Variants in POC5 observed in about 807,000 individuals in gnomAD.
POC5 encodes centrosomal protein POC5.
POC5 carries 48 observed loss-of-function variants against 62.9 expected under a neutral mutation model. That is an observed-to-expected ratio of 0.76 (90% CI 0.61 to 0.97). The LOEUF (loss-of-function observed/expected upper bound fraction) is 0.97. Among genes scored for constraint, POC5 ranks in the 50% least tolerant of loss-of-function variants. The pLI, the probability that POC5 is intolerant of heterozygous loss-of-function variation, is 0.00. For synonymous variants in POC5, 236 were observed against 228.2 expected (o/e 1.03, Z -0.31); for missense variants, 696 against 679.5 (o/e 1.02, Z -0.27).
chr5:75,712,352 C>T (rs1777381585), intron 2 of POC5: 1 of 1,549,200 alleles, frequency 6.5e-7, no homozygotes, highest in African/African-American at 1.4e-5. Flanking sequence ...CATGTAAATA[C>T]CACACCCTCT....
intron 2 of POC5, among the ~76,000 whole-genome samples, chr5:75,711,259 TG>T (rs1777332385): frequency 6.6e-6 from 1 of 152,130 alleles, no homozygotes; most frequent in South Asian, 2.1e-4. Flanking sequence ...ATTCAAAACT[TG>T]TAATTTTGCC....
intron 5 of POC5, among the ~76,000 whole-genome samples, chr5:75,695,287 A>G (rs369365653): frequency 3.3e-5 from 5 of 152,224 alleles, no homozygotes; most frequent in African/African-American, 9.7e-5. Flanking sequence ...TTTATCACAG[A>G]TTATTATCTG....
At chr5:75,684,203 G>A (rs1775989596) in intron 10 of POC5, among the ~76,000 whole-genome samples, 1 of 152,070 alleles carries the variant, frequency 6.6e-6, no homozygotes, top group Non-Finnish European at 1.5e-5. Flanking sequence ...CAGTGTTAGT[G>A]ATATATCTGC....
chr5:75,684,363 ATTTT>A (rs749361349), intron 10 of POC5, among the ~76,000 whole-genome samples: 4 of 132,700 alleles, frequency 3.0e-5, no homozygotes, highest in Admixed American at 7.7e-5. Flanking sequence ...TTCCTACATA[ATTTT>A]TTTTTTTTTT....
intron 6 of POC5, among the ~76,000 whole-genome samples, chr5:75,693,014 TTA>T (rs202189872): frequency 1.3e-5 from 2 of 148,298 alleles, no homozygotes; most frequent in African/African-American, 2.5e-5. Context: ...TATGTTATAG[TTA>T]TATATATAAC....
At chr5:75,714,998 T>C (rs1196688242) in intron 1 of POC5, among the ~76,000 whole-genome samples, 1 of 150,662 alleles carries the variant, frequency 6.6e-6, no homozygotes, top group Non-Finnish European at 1.5e-5. Flanking sequence ...CCTGTATTAG[T>C]ACGTTTTTCA....
chr5:75,675,489 G>A (rs979324353), intron 11 of POC5, among the ~76,000 whole-genome samples: 11 of 152,056 alleles, frequency 7.2e-5, no homozygotes, highest in Non-Finnish European at 1.3e-4. Context: ...ACTCCAAGCT[G>A]TAGTTTTTGC....
At chr5:75,697,642 A>G (rs950674514) in intron 5 of POC5, among the ~76,000 whole-genome samples, 1 of 152,192 alleles carries the variant, frequency 6.6e-6, no homozygotes. Flanking sequence ...AAGAAACTGC[A>G]TCAACTAACG....
chr5:75,689,082 T>C lies in POC5; in HGVS notation c.1059A>G (p.Lys353=). ...ATGCACATACACCCCTCATGAAAGC[T>C]TTTTTCATGGAATCTTCAAAGTGCT... The part of the protein sequence containing the change: ...EKEHFEDSMK[K]AFMRGVCALN... The change falls in exon 9 of 12, where the codon AAA becomes AAG. Residue 353 remains lysine, a synonymous_variant. Coordinates refer to ENST00000428202, the MANE Select transcript of POC5 (RefSeq NM_001099271.2). 1.2e-6 allele frequency: 2 copies of C among 1,602,986 alleles called. No individual in the cohort carries two copies. The highest frequency in any genetic ancestry group is 1.7e-6 in the Non-Finnish European group (2 of 1,174,434).
intron 1 of POC5, among the ~76,000 whole-genome samples, 162 bp downstream of exon 1, chr5:75,717,136 CACGCCTCG>C: frequency 6.6e-6 from 1 of 152,236 alleles, no homozygotes; most frequent in Non-Finnish European, 1.5e-5. Context: ...CCTCTTCCTG[CACGCCTCG>C]GAGGGGAAAC....
At chr5:75,695,520 G>T (rs999005797) in intron 5 of POC5, among the ~76,000 whole-genome samples, 2 of 152,044 alleles carry the variant, frequency 1.3e-5, no homozygotes, top group Non-Finnish European at 2.9e-5. Flanking sequence ...TAGAATTTAA[G>T]GTTCCAAATG....
chr5:75,690,042 T>C (rs10462521), intron 8 of POC5, among the ~76,000 whole-genome samples: 37,228 of 152,052 alleles, frequency 0.24, 4,780 homozygotes, highest in South Asian at 0.32. Flanking sequence ...TGTGCCACCA[T>C]ACCCAGCTAA....
At chr5:75,696,265 C>A (rs192033420) in intron 5 of POC5, among the ~76,000 whole-genome samples, 10,364 of 152,228 alleles carry the variant, frequency 0.068, 382 homozygotes, top group South Asian at 0.11. Context: ...GGGCAGGGCA[C>A]AGACAAACAA....
rs1294198896 is a variant in POC5, at chr5:75,694,657, C to A, written c.688G>T (p.Glu230Ter). 3 of 1,514,852 alleles carry A rather than the reference C, an allele frequency of 2.0e-6. No homozygotes were observed. The African/African-American group carries it at 4.3e-5, about 22-fold the overall frequency. The allele number at this position is 1,514,852 out of a possible 1,614,324, so 93.8% of individuals were successfully genotyped here. ...TFEISIGRKDEVISSLSHAIG... is the reference protein window; with the variant it reads ...TFEISIGRKD ...AAAAGAAATATAAAAAAGAAGACCT[C>A]ATCTTTTCTCCCAATGGAGATTTCA... Residue 230 changes from glutamate to a stop codon, truncating the protein, a stop_gained and splice_region_variant, in exon 6 of 12, where the codon GAG becomes TAG. Transcript: ENST00000428202. LOFTEE classifies it high-confidence loss of function.
Position 75,694,771 on chromosome 5 carries a change from C to A in POC5, c.574G>T (p.Glu192Ter). The change falls in exon 6 of 12, where the codon GAA (glutamate) becomes TAA (stop). Residue 192 changes from glutamate (E) to a stop codon, truncating the protein, a stop_gained. Transcript: ENST00000428202. LOFTEE classifies it high-confidence loss of function. ...TGTTTTTCTTTCTCTTTTCTCATTT[C>A]CATTCGGTGCCAGTCAATAAAATTA... Reference protein sequence around the residue: ...RLNFIDWHRMEMRKEKEKHAA... With the variant: ...RLNFIDWHRM The A allele has an allele frequency of 1.3e-6, 2 of 1,581,770 alleles. No individual in the cohort carries two copies. The highest frequency in any genetic ancestry group is 1.7e-6 in the Non-Finnish European group (2 of 1,152,770).
Position 75,685,473 on chromosome 5 carries a change from T to G in POC5, c.1141A>C (p.Thr381Pro), listed in dbSNP as rs1274114088. The change falls in exon 10 of 12, where the codon ACA becomes CCA. Residue 381 changes from threonine to proline, a missense_variant. Transcript: ENST00000428202. ...QNRNDAGIDS[T>P]NNKKEEYGPG... Reference sequence around the variant, plus strand: ...CCATACTCTTCCTTTTTATTATTTGTGGAGTCTATCCCTATAAATCACAAA... The same window carrying G: ...CCATACTCTTCCTTTTTATTATTTGGGGAGTCTATCCCTATAAATCACAAA... 3.7e-6 allele frequency: 6 copies of G among 1,610,452 alleles called. No homozygotes were observed. The highest frequency in any genetic ancestry group is 5.1e-6 in the Non-Finnish European group (6 of 1,177,128).
chr5:75,712,280 GA>G (rs1166867147), intron 2 of POC5: 1 of 1,366,908 alleles, frequency 7.3e-7, no homozygotes, highest in African/African-American at 1.4e-5. Context: ...ATCTACTCCA[GA>G]AATCTAAATC....
Position 75,702,782 on chromosome 5 carries a change from C to A in POC5, c.336G>T (p.Lys112Asn), listed in dbSNP as rs1394780806. 6 of 1,585,728 alleles carry A rather than the reference C, an allele frequency of 3.8e-6. No individual in the cohort carries two copies. Among genetic ancestry groups the A allele is most frequent in the Non-Finnish European group, 5.2e-6 (6 of 1,165,022 alleles). Residue 112 changes from lysine to asparagine, a missense_variant, in exon 5 of 12, where the codon AAG becomes AAT. Transcript: ENST00000428202. ...DESSPVLSPR[K>N]PSHPVMDFFS... is the part of the protein sequence containing the mutation. ...AAAAATCCATGACTGGGTGAGAAGGCTTCCTTGGCGATAACACTGGTGATG... is the reference window on the plus strand; with the variant it reads ...AAAAATCCATGACTGGGTGAGAAGGATTCCTTGGCGATAACACTGGTGATG...
chr5:75,676,059 G>A (rs1775637007), intron 11 of POC5, among the ~76,000 whole-genome samples: 1 of 152,210 alleles, frequency 6.6e-6, no homozygotes, highest in South Asian at 2.1e-4. Flanking sequence ...TGAATAAAGG[G>A]AGGGCAGCAT....
Sources: gnomAD v4.1 joint callset for allele counts (sites outside exome capture counted in the v4.1 genomes callset) on GRCh38, gnomAD v4.1.1 for gene constraint, MANE v1.5 for transcripts, NCBI Gene and HGNC (gene_info 2026-07-23, HGNC 2026-07-21) for gene names.